Variants in JMJD1C observed in about 807,000 individuals in gnomAD.
JMJD1C encodes the protein jumonji domain-containing protein 1C.
JMJD1C carries 31 observed loss-of-function variants against 245.3 expected under a neutral mutation model. That is an observed-to-expected ratio of 0.13 (90% CI 0.09 to 0.17). The LOEUF is 0.17. JMJD1C is among the 10% of genes least tolerant of loss of function. JMJD1C has a pLI of 1.00. For missense variants in JMJD1C, 2,691 were observed against 3,000.2 expected (o/e 0.90, Z 2.41); for synonymous variants, 1,057 against 1,017.4 (o/e 1.04, Z -0.74).
intron 2 of JMJD1C, among the ~76,000 whole-genome samples, chr10:63,298,032 G>A (rs545974495): frequency 3.9e-5 from 6 of 152,276 alleles, no homozygotes; most frequent in East Asian, 1.9e-4. Flanking sequence ...AGCTGCTTAC[G>A]GTACATCTGA....
intron 2 of JMJD1C, among the ~76,000 whole-genome samples, chr10:63,306,441 T>C (rs955576878): frequency 1.3e-5 from 2 of 152,178 alleles, no homozygotes; most frequent in African/African-American, 4.8e-5. Context: ...TATGGTCTCA[T>C]CAATACAGAG....
chr10:63,341,452 G>A (rs757892908), intron 2 of JMJD1C, among the ~76,000 whole-genome samples: 3 of 152,188 alleles, frequency 2.0e-5, no homozygotes, highest in Non-Finnish European at 2.9e-5. Context: ...GTTGGGATAC[G>A]TTAATACAAT....
At chr10:63,252,740 A>G (rs1438687828) in intron 3 of JMJD1C, among the ~76,000 whole-genome samples, 2 of 152,228 alleles carry the variant, frequency 1.3e-5, no homozygotes, top group Non-Finnish European at 2.9e-5. Context: ...AAAAAGAAAC[A>G]GGCAACCATA....
At chr10:63,238,995 G>A (rs1851138572) in intron 3 of JMJD1C, among the ~76,000 whole-genome samples, 1 of 152,102 alleles carries the variant, frequency 6.6e-6, no homozygotes, top group East Asian at 1.9e-4. Flanking sequence ...ATACAAAGGT[G>A]AGACAAAATG....
chr10:63,216,055 A>C lies in JMJD1C; in HGVS notation c.679-359T>G, dbSNP rs147003837. Among the ~76,000 whole-genome samples the C allele has an allele frequency of 3.3e-3, 498 of 152,342 alleles. 3 individuals carry two copies. Among genetic ancestry groups the C allele is most frequent in the African/African-American group, 0.012 (483 of 41,580 alleles). ...GTTGTAAAATAAAACTCAGAGGTAG[A>C]CTTTAGGGAGTAGAAAAAGACAAAA... On this transcript the variant is annotated intron_variant, in intron 5 of 25. Transcript: ENST00000399262.
Sources: gnomAD v4.1 joint callset for allele counts (sites outside exome capture counted in the v4.1 genomes callset) on GRCh38, gnomAD v4.1.1 for gene constraint, MANE v1.5 for transcripts, NCBI Gene and HGNC (gene_info 2026-07-23, HGNC 2026-07-21) for gene names.